The following HDX variants were observed in gnomAD, a reference collection of about 807,000 sequenced individuals.
The protein encoded by HDX is highly divergent homeobox, also known as chromosome X open reading frame 43.
HDX carries 19 observed loss-of-function variants against 45.2 expected under a neutral mutation model. The ratio of observed to expected loss-of-function variants is 0.42; its 90% confidence interval spans 0.29 to 0.62. The LOEUF (loss-of-function observed/expected upper bound fraction) is 0.62, where lower values mean the gene tolerates loss of function less well. Ranked by LOEUF, HDX falls within the 20% of genes least tolerant of loss-of-function variation. The pLI is 0.20. For synonymous variants in HDX, 188 were observed against 172.8 expected, an observed-to-expected ratio of 1.09 and a Z score of -0.69; for missense variants, 532 against 493.9, an observed-to-expected ratio of 1.08 and a Z score of -0.73.
intron 5 of HDX, among the ~76,000 whole-genome samples, chrX:84,405,041 G>A (rs1267186256): frequency 1.8e-5 from 2 of 110,595 alleles, no homozygotes; most frequent in African/African-American, 6.5e-5. Context: ...AATATGAACG[G>A]AAAAAAGCAA....
At chrX:84,424,754 G>A (rs2039346621) in intron 5 of HDX, among the ~76,000 whole-genome samples, 1 of 111,079 alleles carries the variant, frequency 9.0e-6, no homozygotes, top group African/African-American at 3.3e-5. Context: ...AACCGGATAT[G>A]CATATGCAGA....
rs1355442537 is a variant in HDX, at chrX:84,326,061, T to C, written c.1947+117A>G. The C allele has an allele frequency of 4.3e-6, 3 of 694,936 alleles. No individual in the cohort carries two copies. The African/African-American group carries it at 6.6e-5, about 15-fold the overall frequency. 57.3% of individuals were successfully genotyped at this position (694,936 alleles called of 1,213,427 possible). ...GCAAAGGTCATGAAATAACAAATAT[T>C]TCCTCCATGCCAAGCAGAAATGAAG... On this transcript the variant is annotated intron_variant, in intron 10 of 10. Coordinates refer to ENST00000373177, the MANE Select transcript of HDX (RefSeq NM_001177479.2).
intron 5 of HDX, among the ~76,000 whole-genome samples, chrX:84,375,785 C>G (rs975837982): frequency 1.5e-4 from 16 of 110,018 alleles, no homozygotes; most frequent in Non-Finnish European, 2.8e-4. Context: ...AGGAGATATA[C>G]CTAATGCTAA....
chrX:84,426,784 A>G (rs1362081316), intron 5 of HDX, among the ~76,000 whole-genome samples: 7 of 110,941 alleles, frequency 6.3e-5, no homozygotes, highest in Non-Finnish European at 1.1e-4. Flanking sequence ...GATTTCACAG[A>G]GTAGATTTCA....
At chrX:84,376,017 G>T (rs938947392) in intron 5 of HDX, among the ~76,000 whole-genome samples, 1 of 112,094 alleles carries the variant, frequency 8.9e-6, no homozygotes, top group Non-Finnish European at 1.9e-5. Flanking sequence ...AGAATAGAAG[G>T]CTCGACTGAT....
chrX:84,451,149 A>AT (rs2039987530), intron 4 of HDX, among the ~76,000 whole-genome samples: 1 of 111,422 alleles, frequency 9.0e-6, no homozygotes, highest in South Asian at 3.7e-4. Context: ...CAAACACAAA[A>AT]TTAATAGAAA....
intron 5 of HDX, among the ~76,000 whole-genome samples, chrX:84,362,579 A>G (rs926229828): frequency 6.3e-5 from 7 of 110,319 alleles, no homozygotes; most frequent in African/African-American, 2.0e-4. Flanking sequence ...AAAAAATGAG[A>G]GAGACAGAGA....
chrX:84,318,798 T>C lies in HDX; in HGVS notation c.*3091A>G, dbSNP rs2036546774. 1 of 111,071 alleles carries C rather than the reference T, an allele frequency of 9.0e-6. No individual in the cohort carries two copies. The highest frequency in any genetic ancestry group is 9.6e-5 in the Admixed American group (1 of 10,471). 9.2% of individuals were successfully genotyped at this position (111,071 alleles called of 1,213,427 possible). ...TTTTCTTCTCCAACAATAACAAACA[T>C]TTCTATCACATGCTTGCAATGGCAA... On this transcript the variant is annotated 3_prime_UTR_variant, in exon 11 of 11. Transcript: ENST00000373177.
At chrX:84,402,608 GT>G (rs1230192267) in intron 5 of HDX, among the ~76,000 whole-genome samples, 1 of 110,524 alleles carries the variant, frequency 9.0e-6, no homozygotes, top group Non-Finnish European at 1.9e-5. Context: ...TCCATCTCCT[GT>G]TTTTTTTATA....
At position 84,361,602 on chromosome X, in the gene HDX, C is replaced by T. The variant is rs868328516; in HGVS notation, c.1316G>A (p.Arg439His). 5 of 1,179,593 alleles carry T rather than the reference C, an allele frequency of 4.2e-6. No homozygotes were observed. Among genetic ancestry groups the T allele is most frequent in the Admixed American group, 4.6e-5 (2 of 43,312 alleles). Residue 439 changes from arginine to histidine, a missense_variant, in exon 6 of 11, where the codon CGC becomes CAC. By Grantham distance (29) the Arg-to-His change is conservative (BLOSUM62 0). This residue lies in a region of HDX where 376 missense variants were observed against 343.7 expected (regional missense o/e 1.09). Coordinates refer to ENST00000373177, the MANE Select transcript of HDX (RefSeq NM_001177479.2). ...GCSRKRALQD[R>H]TQFSDRDLAT... Reference sequence around the variant, plus strand: ...TAAGTCTCGGTCACTGAACTGAGTGCGGTCCTGTAGCTGAAAAACACATTT... The same window carrying T: ...TAAGTCTCGGTCACTGAACTGAGTGTGGTCCTGTAGCTGAAAAACACATTT...
intron 5 of HDX, among the ~76,000 whole-genome samples, chrX:84,399,251 C>A (rs1189470570): frequency 9.3e-6 from 1 of 107,596 alleles, no homozygotes; most frequent in African/African-American, 3.4e-5. Flanking sequence ...GACACAAACC[C>A]CCCCCCAAAA....
At chrX:84,463,869 T>C (rs768014745) in intron 4 of HDX, among the ~76,000 whole-genome samples, 1 of 111,171 alleles carries the variant, frequency 9.0e-6, no homozygotes, top group Non-Finnish European at 1.9e-5. Context: ...GTTCCCTTAA[T>C]ACCACTTCAA....
chrX:84,329,955 CA>C (rs2036811855), intron 9 of HDX, among the ~76,000 whole-genome samples: 1 of 111,219 alleles, frequency 9.0e-6, no homozygotes. Flanking sequence ...CATGTTTTTT[CA>C]AACAACAAAG....
chrX:84,347,396 T>C (rs2147808287), intron 6 of HDX, among the ~76,000 whole-genome samples: 1 of 111,004 alleles, frequency 9.0e-6, no homozygotes, highest in South Asian at 3.8e-4. Context: ...GAGTTTAGAT[T>C]ATTTATTTGA....
At chrX:84,375,845 G>A (rs936562952) in intron 5 of HDX, among the ~76,000 whole-genome samples, 9 of 111,102 alleles carry the variant, frequency 8.1e-5, no homozygotes, top group Non-Finnish European at 1.7e-4. Flanking sequence ...GTATACATAT[G>A]TAGCTAACCT....
chrX:84,499,091 T>C (rs1176755867), intron 1 of HDX, among the ~76,000 whole-genome samples: 1 of 112,190 alleles, frequency 8.9e-6, no homozygotes, highest in Non-Finnish European at 1.9e-5. Flanking sequence ...GATTTTGTGA[T>C]GTTTAAATGT....
chrX:84,376,416 G>A (rs1313580353), intron 5 of HDX, among the ~76,000 whole-genome samples: 1 of 111,751 alleles, frequency 8.9e-6, no homozygotes, highest in Non-Finnish European at 1.9e-5. Flanking sequence ...CAACTGGGTA[G>A]AGCACAAAGA....
At chrX:84,409,617 G>A (rs1367306174) in intron 5 of HDX, among the ~76,000 whole-genome samples, 15 of 102,134 alleles carry the variant, frequency 1.5e-4, no homozygotes, top group South Asian at 4.8e-4. Flanking sequence ...GCAAACTATC[G>A]CAAGGACAAA....
chrX:84,334,534 C>G (rs755905405), intron 8 of HDX, among the ~76,000 whole-genome samples: 2 of 108,579 alleles, frequency 1.8e-5, no homozygotes, highest in Non-Finnish European at 3.8e-5. Context: ...ATCTTGTCCA[C>G]AGTAGGTACT....
Sources: allele counts gnomAD v4.1 joint callset (sites outside exome capture counted in the v4.1 genomes callset), GRCh38; gene constraint gnomAD v4.1.1; regional missense constraint gnomAD v4.1.1; transcripts MANE v1.5; gene names NCBI Gene and HGNC (gene_info 2026-07-23, HGNC 2026-07-21).